The following MYCT1 variants were observed in gnomAD, a reference collection of about 807,000 sequenced individuals.
MYCT1 encodes MYC target 1, also known as myc target protein 1.
A neutral mutation model predicts 15.0 loss-of-function variants in MYCT1; 12 were observed. The ratio of observed to expected loss-of-function variants is 0.80; its 90% CI spans 0.51 to 1.29. MYCT1 has a LOEUF of 1.29. Ranked by LOEUF, MYCT1 falls within the 50% of genes most tolerant of loss-of-function variation. The pLI, the probability that MYCT1 is intolerant of heterozygous loss-of-function variation, is 0.00. For synonymous variants in MYCT1, 104 were observed against 102.7 expected, an observed-to-expected ratio of 1.01 and a Z score of -0.07; for missense variants, 287 against 279.1, an observed-to-expected ratio of 1.03 and a Z score of -0.20.
At chr6:152,733,818 G>C in the MYCT1 span, among the ~76,000 whole-genome samples, 1 of 152,118 alleles carries the variant, frequency 6.6e-6, no homozygotes, top group Non-Finnish European at 1.5e-5. Context: ...TGCTTTTCTT[G>C]AATAAATGCT....
rs2099725256 is a variant in MYCT1 at position 152,724,412 on chromosome 6, T to G, written c.*2159T>G. ...TTTAACCATCTGGCAGAATTGTTGC[T>G]GCACCCTTATCCCAGTTATAAGACA... On this transcript the variant is annotated 3_prime_UTR_variant, in exon 2 of 2. Transcript: ENST00000367245. 6.6e-6 allele frequency: 1 copy of G among 152,196 alleles called. No homozygotes were observed. Among genetic ancestry groups the G allele is most frequent in the African/African-American group, 2.4e-5 (1 of 41,456 alleles). 9.4% of individuals were successfully genotyped at this position (152,196 alleles called of 1,614,324 possible). A position where few individuals can be genotyped will look rare whatever the true frequency, so the allele number is the denominator to read the frequency against.
At chr6:152,727,017 C>T (rs1171955595), downstream of MYCT1, among the ~76,000 whole-genome samples, 2 of 152,136 alleles carry the variant, frequency 1.3e-5, no homozygotes, top group African/African-American at 2.4e-5. Context: ...TGAAACCAGC[C>T]TGGCCAAGAT....
chr6:152,707,046 A>G (rs893956793), intron 1 of MYCT1, among the ~76,000 whole-genome samples: 1 of 152,024 alleles, frequency 6.6e-6, no homozygotes, highest in African/African-American at 2.4e-5. Context: ...GCTGAATTCT[A>G]TGGTAGTTCT....
downstream of MYCT1, among the ~76,000 whole-genome samples, chr6:152,724,778 A>G (rs1282451): frequency 0.81 from 123,129 of 151,832 alleles, 50,007 homozygotes; most frequent in East Asian, 0.85. Context: ...GTAAATGAAT[A>G]GACTGAGACA....
chr6:152,700,162 T>C (rs1255139599), intron 1 of MYCT1, among the ~76,000 whole-genome samples: 2 of 152,276 alleles, frequency 1.3e-5, no homozygotes, highest in East Asian at 1.9e-4. Flanking sequence ...GAAATATAAA[T>C]GTCAATCTTT....
chr6:152,725,558 T>C (rs2099725509), downstream of MYCT1, among the ~76,000 whole-genome samples: 1 of 152,194 alleles, frequency 6.6e-6, no homozygotes, highest in Admixed American at 6.5e-5. Flanking sequence ...AGCACTGAGA[T>C]CACAGGTGTG....
At chr6:152,704,078 C>T (rs1465471041) in intron 1 of MYCT1, among the ~76,000 whole-genome samples, 2 of 151,792 alleles carry the variant, frequency 1.3e-5, no homozygotes, top group Non-Finnish European at 1.5e-5. Context: ...CTCACTGCAG[C>T]TTCAACTTCC....
chr6:152,699,916 T>G (rs555039124), intron 1 of MYCT1, among the ~76,000 whole-genome samples: 40 of 152,204 alleles, frequency 2.6e-4, no homozygotes, highest in Admixed American at 9.8e-4. Flanking sequence ...CAAATACTAG[T>G]TTTTCCTTTC....
downstream of MYCT1, among the ~76,000 whole-genome samples, chr6:152,728,977 G>T (rs1266784466): frequency 6.6e-6 from 1 of 152,166 alleles, no homozygotes; most frequent in Non-Finnish European, 1.5e-5. Flanking sequence ...AAATTTTGAT[G>T]ATTGACAAGG....
intron 1 of MYCT1, among the ~76,000 whole-genome samples, chr6:152,716,259 T>C (rs1369004455): frequency 6.6e-6 from 1 of 152,184 alleles, no homozygotes; most frequent in East Asian, 1.9e-4. Context: ...ATTATTATAA[T>C]CAATCAAATT....
At chr6:152,706,002 G>T (rs868038645) in intron 1 of MYCT1, 4 of 841,332 alleles carry the variant, frequency 4.8e-6, no homozygotes, top group Middle Eastern at 4.5e-4. Flanking sequence ...ATCGGATGCT[G>T]CTGGTGTGGC....
rs940397764 is a variant in MYCT1 at position 152,705,440 on chromosome 6, A to G, written c.196+7342A>G. 2.0e-5 allele frequency among the ~76,000 whole-genome samples: 3 copies of G among 152,098 alleles called. No homozygotes were observed. In the East Asian group the frequency reaches 5.8e-4, roughly 29 times the overall value. ...AAAAAATCCCAAATCTAACCATGGT[A>G]AGTTAGATTAGAGGCTGGCTGTATT... On this transcript the variant is annotated intron_variant, in intron 1 of 1. Transcript: ENST00000367245.
chr6:152,736,491 C>G, the MYCT1 span, among the ~76,000 whole-genome samples: 1 of 152,040 alleles, frequency 6.6e-6, no homozygotes, highest in Non-Finnish European at 1.5e-5. Flanking sequence ...AACTTCCTGA[C>G]CAGGTTCAAG....
intron 1 of MYCT1, 53 bp downstream of exon 1, chr6:152,698,151 C>T: frequency 3.8e-6 from 4 of 1,053,070 alleles, no homozygotes; most frequent in Non-Finnish European, 4.1e-6. Flanking sequence ...GTAAGAAATG[C>T]ACTGCGTGAT....
the MYCT1 span, among the ~76,000 whole-genome samples, chr6:152,730,403 A>C: frequency 2.0e-5 from 3 of 152,222 alleles, no homozygotes; most frequent in Non-Finnish European, 4.4e-5. Flanking sequence ...CAAGATAGCC[A>C]CTGGAACAAG....
chr6:152,726,122 C>T (rs1367438036), downstream of MYCT1, among the ~76,000 whole-genome samples: 4 of 152,090 alleles, frequency 2.6e-5, no homozygotes, highest in East Asian at 1.9e-4. Context: ...GATGGCCGGG[C>T]GCGGTGGCTC....
chr6:152,714,011 T>C (rs1057033126), intron 1 of MYCT1, among the ~76,000 whole-genome samples: 4 of 152,110 alleles, frequency 2.6e-5, no homozygotes, highest in African/African-American at 9.7e-5. Flanking sequence ...TTTTTTTATA[T>C]TGTTTTCAGT....
At chr6:152,707,166 A>G (rs2099722437) in intron 1 of MYCT1, among the ~76,000 whole-genome samples, 1 of 151,986 alleles carries the variant, frequency 6.6e-6, no homozygotes, top group South Asian at 2.1e-4. Flanking sequence ...ACCAGCACTC[A>G]TTATCTTTTG....
At chr6:152,730,295 C>T in the MYCT1 span, among the ~76,000 whole-genome samples, 1 of 152,186 alleles carries the variant, frequency 6.6e-6, no homozygotes, top group Non-Finnish European at 1.5e-5. Flanking sequence ...AAATCTGGAC[C>T]CAGGTGCAAA....
Sources: gnomAD v4.1 joint callset for allele counts (sites outside exome capture counted in the v4.1 genomes callset) on GRCh38, gnomAD v4.1.1 for gene constraint, MANE v1.5 for transcripts, NCBI Gene and HGNC (gene_info 2026-07-23, HGNC 2026-07-21) for gene names.